DCP1A: variants seen among roughly 807,000 people sequenced by gnomAD.
DCP1A encodes mRNA-decapping enzyme 1A.
DCP1A carries 20 observed loss-of-function variants against 58.0 expected under a neutral mutation model. The ratio of observed to expected loss-of-function variants is 0.34; its 90% CI spans 0.24 to 0.50. The LOEUF (loss-of-function observed/expected upper bound fraction) is 0.50. DCP1A is among the 20% of genes least tolerant of loss of function. DCP1A has a pLI of 0.98. For missense variants in DCP1A, 613 were observed against 712.2 expected (o/e 0.86, Z 1.59); for synonymous variants, 285 against 275.1 (o/e 1.04, Z -0.36).
At chr3:53,290,502 T>A (rs1487433040) in intron 8 of DCP1A, 2 of 560,636 alleles carry the variant, frequency 3.6e-6, no homozygotes, top group Non-Finnish European at 6.3e-6. Context: ...CAGGACGGGG[T>A]GGGAGAGGAC....
rs1706510405 is a variant in DCP1A, at chr3:53,283,528, T to C, written c.*4052A>G. On this transcript the variant is annotated 3_prime_UTR_variant, in exon 10 of 10. Coordinates refer to ENST00000610213, the MANE Select transcript of DCP1A (RefSeq NM_018403.7). ...CGCTCATTTTAAAACATGTAATAAC[T>C]TAATATTTGCAAACATACACAGATG... is the stretch of plus-strand genomic sequence containing the variant. 1 of 152,204 alleles carries C rather than the reference T, an allele frequency of 6.6e-6. No individual in the cohort carries two copies. 9.4% of individuals were successfully genotyped at this position (152,204 alleles called of 1,614,324 possible).
chr3:53,342,162 G>T lies in DCP1A; in HGVS notation c.286C>A (p.Leu96Met). Residue 96 changes from leucine to methionine, a missense_variant, in exon 3 of 10, where the codon CTG (leucine) becomes ATG (methionine). Physicochemically the swap from Leu to Met is conservative, Grantham distance 15. This residue lies in a region of DCP1A where 65 missense variants were observed against 118.5 expected (regional missense o/e 0.55). Coordinates refer to ENST00000610213, the MANE Select transcript of DCP1A (RefSeq NM_018403.7). ...LEFQLHEPFL[L>M]YRNASLSIYS... ...TACTCACAGCTTGCATTTCTATACA[G>T]AAGAAATGGTTCATGGAGCTGAAAT... 6.2e-7 allele frequency: 1 copy of T among 1,602,484 alleles called. No homozygotes were observed. Among genetic ancestry groups the T allele is most frequent in the South Asian group, 1.1e-5 (1 of 89,436 alleles).
chr3:53,323,589 C>T (rs935673340), intron 3 of DCP1A, among the ~76,000 whole-genome samples: 25 of 152,006 alleles, frequency 1.6e-4, no homozygotes, highest in African/African-American at 4.6e-4. Context: ...GATATGCGGC[C>T]GGGTGCAGTG....
intron 7 of DCP1A, 28 bp downstream of exon 7, chr3:53,292,041 C>T: frequency 5.7e-6 from 9 of 1,581,368 alleles, no homozygotes; most frequent in Non-Finnish European, 7.7e-6. Flanking sequence ...GTTACCCACT[C>T]TGCCCACCCC....
rs1296126892 is a variant in DCP1A at position 53,291,973 on chromosome 3, T to A, written c.1383+96A>T. 3 of 1,326,290 alleles carry A rather than the reference T, an allele frequency of 2.3e-6. No homozygotes were observed. In the African/African-American group the frequency reaches 4.4e-5, roughly 20 times the overall value. The allele number at this position is 1,326,290 out of a possible 1,614,324, so 82.2% of individuals were successfully genotyped here. ...TACTTTAAAGGGACAACTCTAAAAA[T>A]TGTCATGTCATGACAGTTAAAACCA... is the stretch of plus-strand genomic sequence containing the variant. On this transcript the variant is annotated intron_variant, in intron 7 of 9. Transcript: ENST00000610213.
At chr3:53,301,881 T>C (rs1707322290) in intron 6 of DCP1A, among the ~76,000 whole-genome samples, 1 of 152,238 alleles carries the variant, frequency 6.6e-6, no homozygotes, top group Non-Finnish European at 1.5e-5. Flanking sequence ...ATTCCATTTA[T>C]ATAATATTCT....
chr3:53,305,739 T>C (rs1355863030), intron 5 of DCP1A, among the ~76,000 whole-genome samples: 2 of 152,196 alleles, frequency 1.3e-5, no homozygotes, highest in African/African-American at 4.8e-5. Context: ...TTTTATAGTT[T>C]TATATTTTAC....
At chr3:53,311,075 A>G (rs183037022) in intron 5 of DCP1A, among the ~76,000 whole-genome samples, 19 of 152,284 alleles carry the variant, frequency 1.2e-4, no homozygotes, top group Admixed American at 2.6e-4. Context: ...TCCCAAGAGG[A>G]TGGGAGGAGG....
chr3:53,338,972 T>C (rs1027456194), intron 3 of DCP1A, among the ~76,000 whole-genome samples: 2 of 152,132 alleles, frequency 1.3e-5, no homozygotes, highest in East Asian at 3.8e-4. Flanking sequence ...TTAATTTGAA[T>C]GAAAGAAGTT....
intron 3 of DCP1A, among the ~76,000 whole-genome samples, chr3:53,329,768 T>A (rs1219944412): frequency 6.6e-6 from 1 of 152,190 alleles, no homozygotes; most frequent in African/African-American, 2.4e-5. Flanking sequence ...ACAGAAAACA[T>A]TAAAAAATAC....
At chr3:53,322,113 A>C (rs1707984469) in intron 3 of DCP1A, among the ~76,000 whole-genome samples, 1 of 152,174 alleles carries the variant, frequency 6.6e-6, no homozygotes, top group Non-Finnish European at 1.5e-5. Context: ...CCCTGAATTA[A>C]GCCCATTATT....
intron 6 of DCP1A, among the ~76,000 whole-genome samples, chr3:53,303,287 GAC>G (rs1200114479): frequency 6.6e-6 from 1 of 151,920 alleles, no homozygotes; most frequent in African/African-American, 2.4e-5. Flanking sequence ...TCTTCCTTGA[GAC>G]AGAGTCTTAC....
At chr3:53,302,392 C>G (rs1707336130) in intron 6 of DCP1A, among the ~76,000 whole-genome samples, 1 of 152,134 alleles carries the variant, frequency 6.6e-6, no homozygotes, top group South Asian at 2.1e-4. Flanking sequence ...ATTTACAGTG[C>G]TACATGCTAA....
rs552381891 is a variant in DCP1A, at chr3:53,288,799, G to A, written c.1450-516C>T. Among the ~76,000 whole-genome samples the A allele has an allele frequency of 2.6e-5, 4 of 152,244 alleles. No individual in the cohort carries two copies. In the East Asian group the frequency reaches 5.8e-4, roughly 22 times the overall value. On this transcript the variant is annotated intron_variant, in intron 8 of 9. Transcript: ENST00000610213. The stretch of plus-strand genomic sequence containing the variant: ...TGCCTATAATCCCAGCACTCTGGGA[G>A]GCCGAGGTGGGGTTCGAGACCAGCC...
intron 7 of DCP1A, among the ~76,000 whole-genome samples, 194 bp downstream of exon 7, chr3:53,291,875 C>A (rs13063111): frequency 0.74 from 112,537 of 152,018 alleles, 42,096 homozygotes; most frequent in Non-Finnish European, 0.78. Context: ...GTGAATATCC[C>A]GATAGGAAAA....
intron 3 of DCP1A, among the ~76,000 whole-genome samples, chr3:53,341,680 A>C (rs1400195826): frequency 6.6e-6 from 1 of 152,080 alleles, no homozygotes; most frequent in Non-Finnish European, 1.5e-5. Flanking sequence ...TATACAAAAG[A>C]ATGTTTCCAG....
chr3:53,306,770 CA>C (rs1169051475), intron 5 of DCP1A, among the ~76,000 whole-genome samples: 1,340 of 34,618 alleles, frequency 0.039, 10 homozygotes, highest in African/African-American at 0.12. Flanking sequence ...GACTCCGTCT[CA>C]AAAAAAAAAA....
intron 3 of DCP1A, among the ~76,000 whole-genome samples, chr3:53,320,967 G>A (rs1456738886): frequency 6.6e-6 from 1 of 152,250 alleles, no homozygotes; most frequent in Non-Finnish European, 1.5e-5. Context: ...GGGAGACGCA[G>A]AAGTCCCCTG....
intron 3 of DCP1A, among the ~76,000 whole-genome samples, chr3:53,327,615 C>G (rs1462001806): frequency 2.1e-5 from 3 of 144,874 alleles, no homozygotes; most frequent in Non-Finnish European, 4.5e-5. Context: ...CATAGTAAAA[C>G]CCCATCTCTA....
Sources: gnomAD v4.1 joint callset for allele counts (sites outside exome capture counted in the v4.1 genomes callset) on GRCh38, gnomAD v4.1.1 for gene constraint, gnomAD v4.1.1 regional missense constraint, MANE v1.5 for transcripts, NCBI Gene and HGNC (gene_info 2026-07-23, HGNC 2026-07-21) for gene names.